CDH18: variants seen among roughly 807,000 people sequenced by gnomAD.
CDH18 encodes the protein cadherin-18.
Under a neutral mutation model 67.9 loss-of-function variants are expected in CDH18, and 31 were observed. That is an observed-to-expected ratio of 0.46 (90% CI 0.34 to 0.62). The LOEUF (loss-of-function observed/expected upper bound fraction) is 0.62, where lower values mean the gene tolerates loss of function less well. Among genes scored for constraint, CDH18 ranks in the 20% least tolerant of loss-of-function variants. The pLI is 0.01. For missense variants in CDH18, 890 were observed against 975.5 expected (o/e 0.91, Z 1.17); for synonymous variants, 362 against 347.2 (o/e 1.04, Z -0.48).
At chr5:19,990,782 AAAG>A (rs368901759), upstream of CDH18, among the ~76,000 whole-genome samples, 256 of 147,542 alleles carry the variant, frequency 1.7e-3, no homozygotes, top group African/African-American at 6.0e-3. Context: ...ACACAAAAGA[AAAG>A]AAGAAGAAGA....
At chr5:19,505,917 G>T (rs1448225823) in intron 10 of CDH18, among the ~76,000 whole-genome samples, 1 of 152,076 alleles carries the variant, frequency 6.6e-6, no homozygotes. Flanking sequence ...TTGTACCTCT[G>T]GTAGAATTTG....
rs942135097 is a variant in CDH18 at position 19,602,402 on chromosome 5, T to C, written c.811+10032A>G. ...TGTGTGCACTGACAATGACAAAATATTGTGGAAATAAATTAAAGACATAAA... is the reference window on the plus strand; with the variant it reads ...TGTGTGCACTGACAATGACAAAATACTGTGGAAATAAATTAAAGACATAAA... On this transcript the variant is annotated intron_variant, in intron 6 of 12. Coordinates refer to ENST00000382275, the MANE Select transcript of CDH18 (RefSeq NM_004934.5). Among the ~76,000 whole-genome samples the C allele has an allele frequency of 4.6e-5, 7 of 151,912 alleles. No individual in the cohort carries two copies. In the South Asian group the frequency reaches 1.0e-3, roughly 22 times the overall value.
chr5:19,695,782 A>G (rs1762461417), intron 5 of CDH18, among the ~76,000 whole-genome samples: 1 of 152,202 alleles, frequency 6.6e-6, no homozygotes, highest in Non-Finnish European at 1.5e-5. Flanking sequence ...AGCAACCAGA[A>G]GTTAAATTTC....
chr5:20,095,562 A>G (rs955755745), intron 2 of CDH18, among the ~76,000 whole-genome samples: 1 of 129,192 alleles, frequency 7.7e-6, no homozygotes, highest in Non-Finnish European at 1.6e-5. Context: ...AAGGAAAGAA[A>G]GGAAAGAAAG....
intron 2 of CDH18, among the ~76,000 whole-genome samples, chr5:20,061,762 T>C (rs750163884): frequency 5.9e-5 from 9 of 152,186 alleles, no homozygotes; most frequent in Non-Finnish European, 1.2e-4. Flanking sequence ...AAATTAACCA[T>C]AGCATTGCTT....
intron 2 of CDH18, among the ~76,000 whole-genome samples, chr5:19,920,577 G>A (rs1255309261): frequency 1.4e-5 from 2 of 140,706 alleles, no homozygotes; most frequent in African/African-American, 2.7e-5. Context: ...ACAATGGCAC[G>A]ATCTCGGCTC....
chr5:19,867,851 C>T (rs1265163718), intron 2 of CDH18, among the ~76,000 whole-genome samples: 2 of 152,072 alleles, frequency 1.3e-5, no homozygotes, highest in African/African-American at 4.8e-5. Flanking sequence ...TTGTAGTTCC[C>T]ATAATCCCTA....
intron 2 of CDH18, among the ~76,000 whole-genome samples, chr5:19,971,867 AG>A (rs1798059897): frequency 6.6e-6 from 1 of 151,844 alleles, no homozygotes; most frequent in Non-Finnish European, 1.5e-5. Context: ...AAAGAGAGAG[AG>A]AGAGAGAAAG....
intron 2 of CDH18, among the ~76,000 whole-genome samples, chr5:19,908,022 T>A (rs1160440247): frequency 4.6e-5 from 7 of 152,000 alleles, no homozygotes; most frequent in African/African-American, 1.5e-4. Context: ...CCCTTTATTA[T>A]TTCTCAATGA....
intron 1 of CDH18, among the ~76,000 whole-genome samples, chr5:20,360,713 T>A (rs1342249201): frequency 6.6e-6 from 1 of 152,210 alleles, no homozygotes; most frequent in Non-Finnish European, 1.5e-5. Context: ...TATCAGTCAG[T>A]ACAATCTGCA....
chr5:19,751,344 C>A (rs1160938746), intron 3 of CDH18, among the ~76,000 whole-genome samples: 1 of 152,142 alleles, frequency 6.6e-6, no homozygotes, highest in Admixed American at 6.5e-5. Context: ...AAAGATAGGT[C>A]ATTGACTTAA....
intron 2 of CDH18, among the ~76,000 whole-genome samples, chr5:20,152,060 G>C (rs1327061337): frequency 6.8e-6 from 1 of 147,686 alleles, no homozygotes; most frequent in Non-Finnish European, 1.5e-5. Context: ...GAACCTTTTT[G>C]GGTAAGAGAG....
chr5:20,540,613 G>T (rs903430577), intron 1 of CDH18, among the ~76,000 whole-genome samples: 1 of 152,106 alleles, frequency 6.6e-6, no homozygotes, highest in Non-Finnish European at 1.5e-5. Flanking sequence ...CCTGAAAGTG[G>T]GTTACAGTTA....
At chr5:19,654,562 G>T (rs1424631961) in intron 5 of CDH18, among the ~76,000 whole-genome samples, 1 of 152,100 alleles carries the variant, frequency 6.6e-6, no homozygotes, top group Non-Finnish European at 1.5e-5. Context: ...TTGGGCTCCG[G>T]CCCCATGGTA....
chr5:20,048,258 G>A (rs1161423747), intron 2 of CDH18, among the ~76,000 whole-genome samples: 1 of 151,572 alleles, frequency 6.6e-6, no homozygotes, highest in Non-Finnish European at 1.5e-5. Flanking sequence ...CCGGTCAAAT[G>A]AATTAATGCT....
chr5:19,903,545 A>G (rs201817343), intron 2 of CDH18, among the ~76,000 whole-genome samples: 7 of 31,882 alleles, frequency 2.2e-4, no homozygotes, highest in African/African-American at 6.8e-4. Flanking sequence ...GTGTGTGTAT[A>G]TATATATATA....
intron 2 of CDH18, among the ~76,000 whole-genome samples, chr5:20,061,869 C>A (rs950454436): frequency 6.6e-6 from 1 of 152,060 alleles, no homozygotes; most frequent in East Asian, 1.9e-4. Flanking sequence ...TCCAGAAAAG[C>A]ATCTTAGAGA....
rs1758260714 is a variant in CDH18, at chr5:20,562,229, T to A, written c.-580+13233A>T. Among the ~76,000 whole-genome samples, 3 of 151,834 alleles carry A rather than the reference T, an allele frequency of 2.0e-5. No individual in the cohort carries two copies. The South Asian group carries it at 6.2e-4, about 31-fold the overall frequency. On this transcript the variant is annotated intron_variant, in intron 1 of 14. Transcript: ENST00000507958. ...AAAATAGTTAATATATCTAATAAAT[T>A]CTTGGAAATAGAAATAGAAATTAGT...
chr5:20,424,155 A>G (rs1438839080), intron 1 of CDH18, among the ~76,000 whole-genome samples: 4 of 150,678 alleles, frequency 2.7e-5, no homozygotes, highest in Non-Finnish European at 5.9e-5. Flanking sequence ...AGAAAAAAGT[A>G]ATAATTCTTA....
Sources: allele counts gnomAD v4.1 joint callset (sites outside exome capture counted in the v4.1 genomes callset), GRCh38; gene constraint gnomAD v4.1.1; transcripts MANE v1.5; gene names NCBI Gene and HGNC (gene_info 2026-07-23, HGNC 2026-07-21).